YWHAE: variants seen among roughly 807,000 people sequenced by gnomAD.
The protein encoded by YWHAE is tyrosine 3-monooxygenase/tryptophan 5-monooxygenase activation protein epsilon.
Under a neutral mutation model 30.1 loss-of-function variants are expected in YWHAE, and 4 were observed. The ratio of observed to expected loss-of-function variants is 0.13; its 90% CI spans 0.07 to 0.30. YWHAE has a LOEUF of 0.30. YWHAE is among the 10% of genes least tolerant of loss of function. The pLI is 1.00. For missense variants in YWHAE, 121 were observed against 315.9 expected (o/e 0.38, Z 4.68); for synonymous variants, 118 against 111.8 (o/e 1.06, Z -0.35).
intron 1 of YWHAE, among the ~76,000 whole-genome samples, chr17:1,387,230 C>T (rs932966971): frequency 6.6e-6 from 1 of 152,012 alleles, no homozygotes; most frequent in Non-Finnish European, 1.5e-5. Flanking sequence ...GGGGAGTAAT[C>T]CCCTGCTCCA....
chr17:1,351,817 G>A (rs992464067), intron 5 of YWHAE, among the ~76,000 whole-genome samples: 1 of 152,050 alleles, frequency 6.6e-6, no homozygotes, highest in African/African-American at 2.4e-5. Context: ...ATGAAGCCTC[G>A]CTCTGCCACC....
intron 2 of YWHAE, among the ~76,000 whole-genome samples, chr17:1,363,596 A>G (rs1020813589): frequency 2.0e-5 from 3 of 152,172 alleles, no homozygotes; most frequent in African/African-American, 7.2e-5. Context: ...GACCTCAGGT[A>G]TGTCAAACAC....
intron 1 of YWHAE, among the ~76,000 whole-genome samples, chr17:1,384,098 G>C (rs141521233): frequency 1.3e-5 from 2 of 152,154 alleles, no homozygotes; most frequent in African/African-American, 2.4e-5. Flanking sequence ...CCAGCCACTC[G>C]GGAAGATGAG....
chr17:1,357,449 G>A (rs910569795), intron 4 of YWHAE, among the ~76,000 whole-genome samples: 5 of 151,236 alleles, frequency 3.3e-5, no homozygotes, highest in Admixed American at 1.3e-4. Context: ...GCGTGGTGGC[G>A]GGTGCCTGTA....
rs756371205 is a variant in YWHAE, at chr17:1,361,888, A to T, written c.371+14T>A. On this transcript the variant is annotated intron_variant, in intron 3 of 5. Transcript: ENST00000264335. The stretch of plus-strand genomic sequence containing the variant: ...CTTTCAATCTTACATTTTCCCTTCT[A>T]GTATAGAACCTACATTTTATAATAG... The T allele has an allele frequency of 6.5e-7, 1 of 1,547,862 alleles. No individual in the cohort carries two copies. Among genetic ancestry groups the T allele is most frequent in the Non-Finnish European group, 8.7e-7 (1 of 1,143,416 alleles).
In YWHAE at chr17:1,352,121, T is replaced by C. The variant is rs895649649; in HGVS notation, c.715+2090A>G. 3 of 152,200 alleles carry C rather than the reference T, an allele frequency of 2.0e-5. No individual in the cohort carries two copies. In the East Asian group the frequency reaches 5.8e-4, roughly 29 times the overall value. The allele number at this position is 152,200 out of a possible 1,614,324, so 9.4% of individuals were successfully genotyped here. ...CCAGCTGGAAGCCACTTGTTCACAG[T>C]TGGTAAATTATTTCTGAGTCCCAAG... On this transcript the variant is annotated intron_variant, in intron 5 of 5. Coordinates refer to ENST00000264335, the MANE Select transcript of YWHAE (RefSeq NM_006761.5).
chr17:1,362,641 C>T (rs1176342878), intron 2 of YWHAE, among the ~76,000 whole-genome samples: 4 of 152,022 alleles, frequency 2.6e-5, no homozygotes, highest in Non-Finnish European at 5.9e-5. Flanking sequence ...AACACGCACA[C>T]CACCTCTCAA....
chr17:1,372,492 G>A (rs1162597033), intron 1 of YWHAE, among the ~76,000 whole-genome samples: 1 of 152,216 alleles, frequency 6.6e-6, no homozygotes, highest in Non-Finnish European at 1.5e-5. Flanking sequence ...GGCTTTTAAG[G>A]TAGCCTTCCT....
rs186903530 is a variant in YWHAE at position 1,351,610 on chromosome 17, T to A, written c.715+2601A>T. 1.2e-4 allele frequency among the ~76,000 whole-genome samples: 19 copies of A among 152,204 alleles called. No individual in the cohort carries two copies. In the East Asian group the frequency reaches 2.9e-3, roughly 23 times the overall value. On this transcript the variant is annotated intron_variant, in intron 5 of 5. Transcript: ENST00000264335. ...CGAGTCCACAGCTGTTTGACCATTC[T>A]TCTTCATAATTGTTGTTACAACTTT...
chr17:1,346,020 TTGTATCTTGGCCAG>T (rs2072510809), intron 5 of YWHAE, among the ~76,000 whole-genome samples: 2 of 152,154 alleles, frequency 1.3e-5, no homozygotes, highest in Non-Finnish European at 2.9e-5. Context: ...ATTTCAGCTT[TTGTATCTTGGCCAG>T]ATACACCAAA....
In YWHAE at chr17:1,399,898, G is replaced by A. The variant is rs116289774; in HGVS notation, c.64+149C>T. ...GGGCATAGAGCCTCCCATCGCCCCG[G>A]GAGCTCCCAGGCCATTTCCTGCTTC... On this transcript the variant is annotated intron_variant, in intron 1 of 5. Transcript: ENST00000264335. 1,279 of 905,688 alleles carry A rather than the reference G, an allele frequency of 1.4e-3. 7 individuals carry two copies. In the African/African-American group the frequency reaches 0.015, roughly 11 times the overall value. 56.1% of individuals were successfully genotyped at this position (905,688 alleles called of 1,614,324 possible).
chr17:1,355,127 A>C (rs1361746248), intron 4 of YWHAE, among the ~76,000 whole-genome samples: 271 of 90,564 alleles, frequency 3.0e-3, no homozygotes, highest in African/African-American at 8.3e-3. Context: ...AAAAAAAAAA[A>C]AAAAAAAAAA....
At chr17:1,376,297 T>C (rs948413755) in intron 1 of YWHAE, among the ~76,000 whole-genome samples, 2 of 151,988 alleles carry the variant, frequency 1.3e-5, no homozygotes, top group Non-Finnish European at 2.9e-5. Flanking sequence ...GACCCAGGCA[T>C]GGTGGCGTCT....
chr17:1,359,570 C>A (rs377637630), intron 4 of YWHAE, among the ~76,000 whole-genome samples: 2 of 151,522 alleles, frequency 1.3e-5, no homozygotes, highest in African/African-American at 4.9e-5. Context: ...AAACATTACG[C>A]TAGATGAAAT....
At position 1,400,149 on chromosome 17, in the gene YWHAE, A is replaced by C; in HGVS notation, c.-39T>G. Reference sequence around the variant, plus strand: ...CCGGCAGGGTCTGCGCGACGGATGGAAGCGGATAGTGTCTCCGACTCTCTC... The same window carrying C: ...CCGGCAGGGTCTGCGCGACGGATGGCAGCGGATAGTGTCTCCGACTCTCTC... On this transcript the variant is annotated 5_prime_UTR_variant, in exon 1 of 6. Coordinates refer to ENST00000264335, the MANE Select transcript of YWHAE (RefSeq NM_006761.5). The C allele has an allele frequency of 6.2e-7, 1 of 1,612,178 alleles. No homozygotes were observed. Among genetic ancestry groups the C allele is most frequent in the Non-Finnish European group, 8.5e-7 (1 of 1,178,402 alleles).
chr17:1,381,935 ACAGG>A (rs1222616350), intron 1 of YWHAE, among the ~76,000 whole-genome samples: 6 of 145,576 alleles, frequency 4.1e-5, no homozygotes, highest in African/African-American at 1.5e-4. Context: ...AAAAAAAAAG[ACAGG>A]CAGACAGAAA....
chr17:1,365,841 T>TA (rs1301289044), intron 1 of YWHAE, among the ~76,000 whole-genome samples: 1 of 152,018 alleles, frequency 6.6e-6, no homozygotes, highest in African/African-American at 2.4e-5. Context: ...GGGCCAGGAG[T>TA]AAGTGGCTCA....
chr17:1,360,741 G>A (rs2150849275), intron 4 of YWHAE, among the ~76,000 whole-genome samples: 1 of 152,184 alleles, frequency 6.6e-6, no homozygotes, highest in East Asian at 1.9e-4. Flanking sequence ...ACTCTAGCCT[G>A]GGAGACAGAG....
chr17:1,344,898 G>T lies in YWHAE; in HGVS notation c.*549C>A. ...CACCATGCTTTTCAGCAACATTTCA[G>T]CGGAGTTGGAAACATTTTTTACAGC... On this transcript the variant is annotated 3_prime_UTR_variant, in exon 6 of 6. Transcript: ENST00000264335. The T allele has an allele frequency of 4.3e-6, 1 of 233,582 alleles. No homozygotes were observed. The highest frequency in any genetic ancestry group is 8.5e-6 in the Non-Finnish European group (1 of 117,988). The allele number at this position is 233,582 out of a possible 1,614,324, so 14.5% of individuals were successfully genotyped here.
Sources: gnomAD v4.1 joint callset for allele counts (sites outside exome capture counted in the v4.1 genomes callset) on GRCh38, gnomAD v4.1.1 for gene constraint, MANE v1.5 for transcripts, NCBI Gene and HGNC (gene_info 2026-07-23, HGNC 2026-07-21) for gene names.